Variants in ASAH1 observed in about 807,000 individuals in gnomAD.
ASAH1 encodes acid ceramidase.
ASAH1 carries 70 observed loss-of-function variants against 59.5 expected under a neutral mutation model. The ratio of observed to expected loss-of-function variants is 1.18; its 90% CI spans 0.97 to 1.43. The LOEUF (loss-of-function observed/expected upper bound fraction) is 1.43. ASAH1 is among the 40% of genes most tolerant of loss of function. The pLI, the probability that ASAH1 is intolerant of heterozygous loss-of-function variation, is 0.00. For missense variants in ASAH1, 660 were observed against 482.5 expected (o/e 1.37, Z -3.45); for synonymous variants, 213 against 166.5 (o/e 1.28, Z -2.15).
At position 18,084,045 on chromosome 8, in the gene ASAH1, C is replaced by A. The variant is rs752457938; in HGVS notation, c.14G>T (p.Ser5Ile). MPGRSCVALVLLAAA... is the reference protein window; with the variant it reads MPGRICVALVLLAAA... Reference sequence around the variant, plus strand: ...AGCCAGGAGGACTAAGGCGACGCAACTCCGGCCCGGCATCGCTCTAGCAGC... The same window carrying A: ...AGCCAGGAGGACTAAGGCGACGCAAATCCGGCCCGGCATCGCTCTAGCAGC... Residue 5 changes from serine to isoleucine, a missense_variant, in exon 1 of 14, where the codon AGT becomes ATT. Ser to Ile is a moderately radical substitution (Grantham distance 142, BLOSUM62 -2). Transcript: ENST00000637790. The A allele has an allele frequency of 3.8e-6, 6 of 1,598,658 alleles. No homozygotes were observed. The highest frequency in any genetic ancestry group is 3.4e-6 in the Non-Finnish European group (4 of 1,179,684).
At chr8:18,068,857 G>A (rs554671849) in intron 4 of ASAH1, among the ~76,000 whole-genome samples, 5 of 152,178 alleles carry the variant, frequency 3.3e-5, no homozygotes, top group Admixed American at 6.5e-5. Flanking sequence ...CGGGCATGGC[G>A]GTTCACACCT....
chr8:18,059,607 A>G lies in ASAH1; in HGVS notation c.882T>C (p.Ile294=). The G allele has an allele frequency of 6.2e-7, 1 of 1,614,234 alleles. No individual in the cohort carries two copies. Among genetic ancestry groups the G allele is most frequent in the Non-Finnish European group, 8.5e-7 (1 of 1,180,048 alleles). Residue 294 remains isoleucine, a synonymous_variant, in exon 11 of 14, where the codon ATT becomes ATC. Transcript: ENST00000637790. ...GGNQSGEGCV[I]TRDRKESLDV... ...CCAATGATTCCTTTCTGTCTCGTGTAATCACACAACCTTCCCCAGACTGGT... is the reference window on the plus strand; with the variant it reads ...CCAATGATTCCTTTCTGTCTCGTGTGATCACACAACCTTCCCCAGACTGGT...
intron 5 of ASAH1, chr8:18,064,796 T>G: frequency 2.5e-6 from 1 of 396,300 alleles, no homozygotes. Flanking sequence ...ACATCCAAAA[T>G]GTTTATCAAC....
intron 2 of ASAH1, among the ~76,000 whole-genome samples, chr8:18,074,196 A>T (rs60429850): frequency 0.11 from 16,157 of 152,194 alleles, 950 homozygotes; most frequent in African/African-American, 0.14. Context: ...AGACATAATC[A>T]ATCAGTAAGG....
chr8:18,069,835 AATGT>A lies in ASAH1; in HGVS notation c.256_259del (p.Thr86SerfsTer30). ...CTGCATAATTTTTCCACTTGGCACGAATGTATTTATCATATTCTTCAGAGAATTC... is the reference window on the plus strand; with the variant it reads ...CTGCATAATTTTTCCACTTGGCACGAATTTATCATATTCTTCAGAGAATTC... On this transcript the variant is annotated frameshift_variant, in exon 4 of 14. Transcript: ENST00000637790. LOFTEE classifies it high-confidence loss of function. The A allele has an allele frequency of 1.9e-6, 3 of 1,592,650 alleles. No homozygotes were observed. The highest frequency in any genetic ancestry group is 2.6e-6 in the Non-Finnish European group (3 of 1,162,060).
chr8:18,084,018 G>A lies in ASAH1; in HGVS notation c.41C>T (p.Ala14Val), dbSNP rs772623880. 17 of 1,598,336 alleles carry A rather than the reference G, an allele frequency of 1.1e-5. No homozygotes were observed. Among genetic ancestry groups the A allele is most frequent in the African/African-American group, 2.7e-5 (2 of 74,914 alleles). The change falls in exon 1 of 14, where the codon GCC (alanine) becomes GTC (valine). Residue 14 changes from alanine to valine, a missense_variant. By Grantham distance (64) the Ala-to-Val change is moderately conservative (BLOSUM62 0). Transcript: ENST00000637790. Reference sequence around the variant, plus strand: ...CTGCGCGACGGCACAGCTGACGGCGGCAGCCAGGAGGACTAAGGCGACGCA... The same window carrying A: ...CTGCGCGACGGCACAGCTGACGGCGACAGCCAGGAGGACTAAGGCGACGCA... ...RSCVALVLLAAAVSCAVAQHA... is the reference protein window; with the variant it reads ...RSCVALVLLAVAVSCAVAQHA...
At chr8:18,058,507 CAG>C (rs1403249475) in intron 13 of ASAH1, 1 of 256,940 alleles carries the variant, frequency 3.9e-6, no homozygotes, top group Non-Finnish European at 7.4e-6. Context: ...AAATGGACTG[CAG>C]ACTTTGTTTT....
intron 1 of ASAH1, among the ~76,000 whole-genome samples, chr8:18,079,286 A>C (rs897596510): frequency 4.0e-5 from 6 of 151,544 alleles, no homozygotes; most frequent in African/African-American, 9.7e-5. Context: ...AAAAAAAAAA[A>C]AACAAAAAAC....
chr8:18,063,468 TAC>T (rs1395816390), intron 6 of ASAH1: 21 of 383,700 alleles, frequency 5.5e-5, no homozygotes, highest in African/African-American at 5.2e-4. Context: ...CGCACCTGGC[TAC>T]TTTTTTTTTT....
In ASAH1 at chr8:18,061,453, G is replaced by T; in HGVS notation, c.709C>A (p.Leu237Ile). 1 of 1,610,938 alleles carries T rather than the reference G, an allele frequency of 6.2e-7. No homozygotes were observed. Among genetic ancestry groups the T allele is most frequent in the Non-Finnish European group, 8.5e-7 (1 of 1,177,040 alleles). ...TCTTTCTTTCCCAGAATCCATTCTA[G>T]AATACCTGGAAGAGATGAACACAAT... is the stretch of plus-strand genomic sequence containing the variant. ...FSINGGYLGI[L>I]EWILGKKDVM... is the part of the protein sequence containing the mutation. The change falls in exon 10 of 14, where the codon CTA becomes ATA. Residue 237 changes from leucine (L) to isoleucine (I), a missense_variant. Coordinates refer to ENST00000637790, the MANE Select transcript of ASAH1 (RefSeq NM_177924.5).
intron 7 of ASAH1, 117 bp downstream of exon 7, chr8:18,063,068 C>G: frequency 1.1e-6 from 1 of 902,188 alleles, no homozygotes; most frequent in South Asian, 1.3e-5. Flanking sequence ...CGGGGTTTCA[C>G]CATCTTGGCC....
At chr8:18,074,755 C>A (rs935309632) in intron 2 of ASAH1, among the ~76,000 whole-genome samples, 2 of 152,212 alleles carry the variant, frequency 1.3e-5, no homozygotes, top group East Asian at 3.9e-4. Flanking sequence ...TGAATCATGA[C>A]ATTGGTCCTC....
chr8:18,063,331 T>G, intron 6 of ASAH1, 101 bp from the exon 7 acceptor site: 1 of 1,177,566 alleles, frequency 8.5e-7, no homozygotes, highest in Non-Finnish European at 1.3e-6. Flanking sequence ...TGAGACAGAG[T>G]CTCGTTCTGT....
intron 2 of ASAH1, among the ~76,000 whole-genome samples, chr8:18,073,095 T>G (rs979267531): frequency 6.6e-6 from 1 of 152,130 alleles, no homozygotes; most frequent in African/African-American, 2.4e-5. Flanking sequence ...CTGCACTAAT[T>G]AGAATTTGAG....
chr8:18,081,221 C>G (rs1017075966), intron 1 of ASAH1, among the ~76,000 whole-genome samples: 1 of 152,172 alleles, frequency 6.6e-6, no homozygotes, highest in Non-Finnish European at 1.5e-5. Context: ...ACACCTCACT[C>G]CCTCATCCTC....
At chr8:18,060,695 C>G (rs1161704226) in intron 10 of ASAH1, 2 of 152,260 alleles carry the variant, frequency 1.3e-5, no homozygotes, top group Non-Finnish European at 2.9e-5. Context: ...TGTAAGATTT[C>G]TATACCAAGG....
rs751629328 is a variant in ASAH1, at chr8:18,057,512, A to T, written c.*22T>A. On this transcript the variant is annotated 3_prime_UTR_variant, in exon 14 of 14. Transcript: ENST00000637790. ...GGTGTCTTCATGTCTCAGAGGCCGC[A>T]TTCTGTAGGCCAGACGTGTGCTCAC... The T allele has an allele frequency of 1.3e-6, 2 of 1,568,564 alleles. No individual in the cohort carries two copies. The highest frequency in any genetic ancestry group is 2.2e-5 in the South Asian group (2 of 90,362).
Position 18,056,649 on chromosome 8 carries a change from A to G in ASAH1, c.*885T>C, listed in dbSNP as rs891342679. ...CAGTAACATAATTTTAGTAACTACT[A>G]AAATTTCTTTAAAACTCCCTATCAA... is the stretch of plus-strand genomic sequence containing the variant. On this transcript the variant is annotated 3_prime_UTR_variant, in exon 14 of 14. Transcript: ENST00000637790. 3 of 152,246 alleles carry G rather than the reference A, an allele frequency of 2.0e-5. No individual in the cohort carries two copies. Among genetic ancestry groups the G allele is most frequent in the Admixed American group, 6.5e-5 (1 of 15,286 alleles). The allele number at this position is 152,246 out of a possible 1,614,324, so 9.4% of individuals were successfully genotyped here.
Position 18,071,395 on chromosome 8 carries a change from A to G in ASAH1, c.126-5T>C, listed in dbSNP as rs762784798. 15 of 1,553,338 alleles carry G rather than the reference A, an allele frequency of 9.7e-6. No homozygotes were observed. The highest frequency in any genetic ancestry group is 9.7e-6 in the Non-Finnish European group (11 of 1,130,038). ...CATGGAACTGCACCTCTGTACCTGT[A>G]ATGAGAGGTGTATCATCTTGAAATG... On this transcript the variant is annotated splice_region_variant and splice_polypyrimidine_tract_variant and intron_variant, in intron 2 of 13. Coordinates refer to ENST00000637790, the MANE Select transcript of ASAH1 (RefSeq NM_177924.5).
Sources: allele counts gnomAD v4.1 joint callset (sites outside exome capture counted in the v4.1 genomes callset), GRCh38; gene constraint gnomAD v4.1.1; transcripts MANE v1.5; gene names NCBI Gene and HGNC (gene_info 2026-07-23, HGNC 2026-07-21).